The following TNIP1 variants were observed in gnomAD, a reference collection of about 807,000 sequenced individuals.
TNIP1 encodes the protein TNFAIP3 interacting protein 1.
In TNIP1, 22 loss-of-function variants were observed where a neutral mutation model predicts 86.6. That is an observed-to-expected ratio of 0.25 (90% CI 0.18 to 0.36). The LOEUF (loss-of-function observed/expected upper bound fraction) is 0.36. TNIP1 is among the 10% of genes least tolerant of loss of function. The probability of loss-of-function intolerance (pLI) is 1.00; values close to 1 mark genes in which losing one functional copy is unlikely to be tolerated. For missense variants in TNIP1, 709 were observed against 820.6 expected, an observed-to-expected ratio of 0.86 and a Z score of 1.66; for synonymous variants, 294 against 313.0, an observed-to-expected ratio of 0.94 and a Z score of 0.64.
At chr5:151,079,316 TAA>T (rs1289859057) in intron 1 of TNIP1, among the ~76,000 whole-genome samples, 1 of 152,048 alleles carries the variant, frequency 6.6e-6, no homozygotes, top group African/African-American at 2.4e-5. Flanking sequence ...ATCTGAAAAT[TAA>T]GAGTTGTTAG....
intron 1 of TNIP1, among the ~76,000 whole-genome samples, chr5:151,077,588 C>T (rs539764473): frequency 6.6e-6 from 1 of 152,298 alleles, no homozygotes; most frequent in East Asian, 1.9e-4. Flanking sequence ...GTGACAGACA[C>T]GGCACCTACC....
upstream of TNIP1, among the ~76,000 whole-genome samples, chr5:151,083,459 G>C (rs1309253592): frequency 6.6e-6 from 1 of 152,124 alleles, no homozygotes; most frequent in Non-Finnish European, 1.5e-5. Context: ...GGCAGGAATG[G>C]GAGACAGGCC....
chr5:151,058,572 G>A (rs1281906951), intron 5 of TNIP1, among the ~76,000 whole-genome samples: 1 of 152,098 alleles, frequency 6.6e-6, no homozygotes, highest in Non-Finnish European at 1.5e-5. Context: ...ACTTTACCCT[G>A]CCTGAACCCA....
intron 5 of TNIP1, among the ~76,000 whole-genome samples, chr5:151,059,860 T>TGCGC (rs1761279011): frequency 1.0e-5 from 1 of 97,282 alleles, no homozygotes; most frequent in Non-Finnish European, 2.0e-5. Context: ...TGTGTGTGTG[T>TGCGC]GTGTGTGCGC....
chr5:151,053,051 G>A (rs965639701), intron 6 of TNIP1, among the ~76,000 whole-genome samples: 14 of 149,660 alleles, frequency 9.4e-5, no homozygotes, highest in African/African-American at 3.4e-4. Flanking sequence ...CCCTCACAAT[G>A]TGGCTGTGAC....
At chr5:151,056,682 T>C in intron 6 of TNIP1, 84 bp downstream of exon 6, 1 of 1,331,426 alleles carries the variant, frequency 7.5e-7, no homozygotes, top group African/African-American at 1.5e-5. Flanking sequence ...ATGGTACCAG[T>C]GGATTCCCAG....
At chr5:151,057,869 G>A (rs1760885586) in intron 5 of TNIP1, among the ~76,000 whole-genome samples, 2 of 152,172 alleles carry the variant, frequency 1.3e-5, no homozygotes, top group African/African-American at 4.8e-5. Flanking sequence ...AGGAGGATGT[G>A]TATAGGTTAT....
upstream of TNIP1, among the ~76,000 whole-genome samples, chr5:151,082,352 CG>C (rs1378672783): frequency 6.6e-6 from 1 of 152,066 alleles, no homozygotes; most frequent in Admixed American, 6.5e-5. Flanking sequence ...AGGGAGGAAG[CG>C]ATGCAAACTC....
At chr5:151,047,622 G>C (rs1338049849) in intron 8 of TNIP1, among the ~76,000 whole-genome samples, 2 of 152,156 alleles carry the variant, frequency 1.3e-5, no homozygotes, top group East Asian at 3.8e-4. Context: ...GGGAAGTAAA[G>C]GAAGGGGATA....
rs1478266925 is a variant in TNIP1, at chr5:151,039,076, GACCCGGGCCAAGGC to G, written c.1263+7_1263+20del. On this transcript the variant is annotated splice_region_variant and intron_variant, in intron 12 of 17. Transcript: ENST00000521591. ...TGGACTCAAGGGAGCCCAGCCAAGG[GACCCGGGCCAAGGC>G]ACCCACCTTGTTGAGCCGCTGGATC... The G allele has an allele frequency of 6.2e-7, 1 of 1,607,434 alleles. No individual in the cohort carries two copies. The highest frequency in any genetic ancestry group is 8.5e-7 in the Non-Finnish European group (1 of 1,176,918).
Position 151,049,895 on chromosome 5 carries a change from C to T in TNIP1, c.775G>A (p.Gly259Ser). 6.2e-7 allele frequency: 1 copy of T among 1,614,150 alleles called. No homozygotes were observed. The highest frequency in any genetic ancestry group is 8.5e-7 in the Non-Finnish European group (1 of 1,180,032). ...KLLMSNGNKE[G>S]ASGRPGSPKM... ...GGTGAGCCTGGCCGCCCAGACGCAC[C>T]CTCTTTGTTGCCATTGCTCATCAAC... Residue 259 changes from glycine (G) to serine (S), a missense_variant, in exon 8 of 18, where the codon GGT becomes AGT. Gly to Ser is a moderately conservative substitution (Grantham distance 56). Transcript: ENST00000521591.
chr5:151,067,208 G>A (rs1404745700), intron 1 of TNIP1, among the ~76,000 whole-genome samples: 4 of 152,202 alleles, frequency 2.6e-5, no homozygotes, highest in East Asian at 1.9e-4. Context: ...TGTTTCCACC[G>A]AACTAAGAAA....
chr5:151,076,008 C>T (rs1470825282), intron 1 of TNIP1, among the ~76,000 whole-genome samples: 1 of 152,202 alleles, frequency 6.6e-6, no homozygotes, highest in African/African-American at 2.4e-5. Flanking sequence ...GAGCTCCTGC[C>T]TCTCAAGGAA....
intron 1 of TNIP1, among the ~76,000 whole-genome samples, chr5:151,077,201 T>A (rs529093771): frequency 6.6e-6 from 1 of 152,162 alleles, no homozygotes; most frequent in African/African-American, 2.4e-5. Context: ...CTGGCCCCTT[T>A]TATAACTAAC....
At chr5:151,085,207 A>T (rs1177504566), upstream of TNIP1, among the ~76,000 whole-genome samples, 2 of 152,208 alleles carry the variant, frequency 1.3e-5, no homozygotes, top group African/African-American at 2.4e-5. Flanking sequence ...CAGCCCTGCC[A>T]CTTACAACTC....
chr5:151,045,346 T>C (rs949478722), intron 9 of TNIP1, among the ~76,000 whole-genome samples: 1 of 152,144 alleles, frequency 6.6e-6, no homozygotes, highest in Non-Finnish European at 1.5e-5. Context: ...CGCCTCAGCC[T>C]CCCAAAGTGC....
chr5:151,084,274 G>A (rs561887849), upstream of TNIP1, among the ~76,000 whole-genome samples: 6 of 152,150 alleles, frequency 3.9e-5, no homozygotes, highest in South Asian at 2.1e-4. Context: ...GTGAAACCCC[G>A]TCTCTACTAA....
chr5:151,066,681 G>A (rs1051184229), intron 1 of TNIP1, among the ~76,000 whole-genome samples: 4 of 152,178 alleles, frequency 2.6e-5, no homozygotes, highest in Non-Finnish European at 5.9e-5. Flanking sequence ...ACTCTAACAT[G>A]CATACTAATC....
intron 15 of TNIP1, chr5:151,034,521 A>ACACAGAAGGCTGGGCACATGGG: frequency 4.2e-6 from 1 of 237,094 alleles, no homozygotes; most frequent in South Asian, 3.4e-5. Context: ...GGGTAAATGG[A>ACACAGAAGGCTGGGCACATGGG]CACAGAAGGC....
Sources: allele counts gnomAD v4.1 joint callset (sites outside exome capture counted in the v4.1 genomes callset), GRCh38; gene constraint gnomAD v4.1.1; transcripts MANE v1.5; gene names NCBI Gene and HGNC (gene_info 2026-07-23, HGNC 2026-07-21).